PAK1: variants seen among roughly 807,000 people sequenced by gnomAD.
PAK1 encodes serine/threonine-protein kinase PAK 1.
A neutral mutation model predicts 67.4 loss-of-function variants in PAK1; 29 were observed. That is an observed-to-expected ratio of 0.43 (90% CI 0.32 to 0.59). The LOEUF (loss-of-function observed/expected upper bound fraction) is 0.59, where lower values mean the gene tolerates loss of function less well. Ranked by LOEUF, PAK1 falls within the 20% of genes least tolerant of loss-of-function variation. PAK1 has a pLI of 0.07. For synonymous variants in PAK1, 223 were observed against 237.4 expected (o/e 0.94, Z 0.56); for missense variants, 337 against 670.7 (o/e 0.50, Z 5.50).
chr11:77,332,875 T>C lies in PAK1; in HGVS notation c.1414-8A>G. On this transcript the variant is annotated splice_region_variant and splice_polypyrimidine_tract_variant and intron_variant, in intron 13 of 14. Transcript: ENST00000356341. The stretch of plus-strand genomic sequence containing the variant: ...GGCAATGAGGTACAAGGCCTGGCAA[T>C]AAAAATGGTGAATCACCTTGAGCTC... The C allele has an allele frequency of 6.2e-7, 1 of 1,613,200 alleles. No individual in the cohort carries two copies. The highest frequency in any genetic ancestry group is 8.5e-7 in the Non-Finnish European group (1 of 1,179,234).
the PAK1 span, among the ~76,000 whole-genome samples, chr11:77,504,960 G>C: frequency 6.6e-6 from 1 of 152,222 alleles, no homozygotes; most frequent in Non-Finnish European, 1.5e-5. Flanking sequence ...AGAAAAGTCA[G>C]ATACTTGCCA....
rs1230611742 is a variant in PAK1, at chr11:77,323,316, T to C, written c.1596A>G (p.Pro532=). 1 of 1,613,822 alleles carries C rather than the reference T, an allele frequency of 6.2e-7. No homozygotes were observed. Among genetic ancestry groups the C allele is most frequent in the Non-Finnish European group, 8.5e-7 (1 of 1,179,894 alleles). The part of the protein sequence containing the change: ...KIAKPLSSLT[P]LIAAAKEATK... ...TTGCCTCCTTAGCTGCAGCAATCAGTGGAGTGAGGCTGGAGAGGGGCTTGG... is the reference window on the plus strand; with the variant it reads ...TTGCCTCCTTAGCTGCAGCAATCAGCGGAGTGAGGCTGGAGAGGGGCTTGG... The change falls in exon 15 of 15, where the codon CCA becomes CCG. Residue 532 remains proline (P), a synonymous_variant. Transcript: ENST00000356341.
At chr11:77,451,553 T>C (rs917026509) in intron 1 of PAK1, among the ~76,000 whole-genome samples, 6 of 152,194 alleles carry the variant, frequency 3.9e-5, no homozygotes, top group Admixed American at 3.3e-4. Flanking sequence ...ATGTAAAACT[T>C]GTATTAAATA....
chr11:77,414,716 C>T (rs1322630703), intron 1 of PAK1, among the ~76,000 whole-genome samples: 3 of 152,196 alleles, frequency 2.0e-5, no homozygotes, highest in African/African-American at 4.8e-5. Context: ...TAGACACAGG[C>T]TTTATGCTTT....
At chr11:77,476,731 T>G (rs1469424709), upstream of PAK1, 1 of 152,280 alleles carries the variant, frequency 6.6e-6, no homozygotes, top group African/African-American at 2.4e-5. Flanking sequence ...ACATCTGTAA[T>G]CCCAGCACTT....
chr11:77,346,075 G>A (rs1310329327), intron 9 of PAK1, among the ~76,000 whole-genome samples: 8 of 152,206 alleles, frequency 5.3e-5, no homozygotes, highest in Non-Finnish European at 8.8e-5. Context: ...CAGGGTTCAA[G>A]TGATTCTCCT....
At chr11:77,495,320 A>T in the PAK1 span, among the ~76,000 whole-genome samples, 1 of 151,628 alleles carries the variant, frequency 6.6e-6, no homozygotes, top group Non-Finnish European at 1.5e-5. Context: ...CTAAAAATAC[A>T]AAAATTAGCC....
At chr11:77,411,993 C>T (rs898244152) in intron 1 of PAK1, 4 of 152,342 alleles carry the variant, frequency 2.6e-5, no homozygotes, top group Non-Finnish European at 5.9e-5. Context: ...GTTGGCGAAA[C>T]AGAAGGGGCG....
intron 1 of PAK1, among the ~76,000 whole-genome samples, chr11:77,418,330 T>G (rs1273163413): frequency 2.0e-5 from 3 of 152,218 alleles, no homozygotes; most frequent in African/African-American, 7.2e-5. Flanking sequence ...AGAGTCCTGT[T>G]TGCAATGATC....
At chr11:77,413,691 GAAAAAGGAA>G (rs1954782329) in intron 1 of PAK1, among the ~76,000 whole-genome samples, 1 of 147,530 alleles carries the variant, frequency 6.8e-6, no homozygotes, top group South Asian at 2.1e-4. Flanking sequence ...CTCAAAAAAA[GAAAAAGGAA>G]AAAAAGGAAA....
intron 7 of PAK1, 25 bp downstream of exon 7, chr11:77,355,643 G>A (rs1336278307): frequency 2.5e-6 from 4 of 1,596,536 alleles, no homozygotes; most frequent in Admixed American, 1.7e-5. Flanking sequence ...ACGAAGAAAG[G>A]TTCAGAAAGC....
chr11:77,373,845 T>C (rs1250438801), intron 5 of PAK1, among the ~76,000 whole-genome samples: 2 of 152,336 alleles, frequency 1.3e-5, no homozygotes, highest in Non-Finnish European at 2.9e-5. Context: ...CAATTAGTAC[T>C]AATCTTGGTT....
chr11:77,476,454 G>T (rs963739392), upstream of PAK1: 1 of 152,138 alleles, frequency 6.6e-6, no homozygotes, highest in African/African-American at 2.4e-5. Context: ...CCAATCCCTG[G>T]GAACTATGAA....
chr11:77,497,794 T>C, the PAK1 span, among the ~76,000 whole-genome samples: 1,198 of 152,348 alleles, frequency 7.9e-3, 14 homozygotes, highest in African/African-American at 0.028. Flanking sequence ...CCTTTGCATT[T>C]TCTGACTTTG....
intron 1 of PAK1, chr11:77,408,303 C>T (rs1343715876): frequency 6.6e-6 from 1 of 152,064 alleles, no homozygotes; most frequent in Admixed American, 6.6e-5. Context: ...ATATTCAAAG[C>T]TCTGTGAATA....
intron 1 of PAK1, among the ~76,000 whole-genome samples, chr11:77,420,746 G>A (rs567714997): frequency 1.1e-4 from 16 of 152,296 alleles, no homozygotes; most frequent in Admixed American, 2.6e-4. Flanking sequence ...GTTAGGGAGG[G>A]CAGGACAGAT....
chr11:77,337,752 G>C (rs1942948509), intron 11 of PAK1, among the ~76,000 whole-genome samples: 1 of 152,122 alleles, frequency 6.6e-6, no homozygotes, highest in Non-Finnish European at 1.5e-5. Flanking sequence ...AAGAAAAATG[G>C]AAAGGATCTT....
At chr11:77,358,758 A>C in intron 6 of PAK1, 140 bp downstream of exon 6, 2 of 779,258 alleles carry the variant, frequency 2.6e-6, no homozygotes. Context: ...CCTTTAGTCA[A>C]GGTAGTTCAG....
At chr11:77,466,428 C>G (rs1297792230) in intron 1 of PAK1, among the ~76,000 whole-genome samples, 2 of 152,030 alleles carry the variant, frequency 1.3e-5, no homozygotes, top group African/African-American at 4.8e-5. Flanking sequence ...ACGGTGAAAC[C>G]CTGTCTCTAC....
Sources: allele counts gnomAD v4.1 joint callset (sites outside exome capture counted in the v4.1 genomes callset), GRCh38; gene constraint gnomAD v4.1.1; transcripts MANE v1.5; gene names NCBI Gene and HGNC (gene_info 2026-07-23, HGNC 2026-07-21).